Variants in CELF4 observed in about 807,000 individuals in gnomAD.
CELF4 encodes CUGBP Elav-like family member 4.
A neutral mutation model predicts 59.9 loss-of-function variants in CELF4; 18 were observed. The ratio of observed to expected loss-of-function variants is 0.30; its 90% confidence interval spans 0.21 to 0.45. The LOEUF (loss-of-function observed/expected upper bound fraction) is 0.45, where lower values mean the gene tolerates loss of function less well. Ranked by LOEUF, CELF4 falls within the 20% of genes least tolerant of loss-of-function variation. The pLI is 1.00. For missense variants in CELF4, 456 were observed against 689.0 expected (o/e 0.66, Z 3.79); for synonymous variants, 261 against 267.1 (o/e 0.98, Z 0.22).
chr18:37,314,729 T>TG (rs370779734), intron 3 of CELF4, among the ~76,000 whole-genome samples: 321 of 152,116 alleles, frequency 2.1e-3, no homozygotes, highest in African/African-American at 7.4e-3. Flanking sequence ...CTGCAGCTTG[T>TG]GGGGGGAACA....
At chr18:37,491,890 A>T (rs1306686666) in intron 1 of CELF4, among the ~76,000 whole-genome samples, 1 of 152,188 alleles carries the variant, frequency 6.6e-6, no homozygotes, top group Non-Finnish European at 1.5e-5. Context: ...AGATGGCAGT[A>T]ATTTACAAAG....
intron 1 of CELF4, among the ~76,000 whole-genome samples, chr18:37,540,486 C>T (rs576580451): frequency 1.7e-3 from 259 of 152,252 alleles, no homozygotes; most frequent in Non-Finnish European, 2.6e-3. Context: ...TTCAGAGAAA[C>T]GAGCCAGCAC....
intron 2 of CELF4, among the ~76,000 whole-genome samples, chr18:37,469,500 C>G (rs1304928783): frequency 6.6e-6 from 1 of 152,196 alleles, no homozygotes; most frequent in Non-Finnish European, 1.5e-5. Flanking sequence ...TAAGAGATTT[C>G]CTGTTGGCAG....
chr18:37,319,027 C>T (rs1055237373), intron 3 of CELF4, among the ~76,000 whole-genome samples: 1 of 152,216 alleles, frequency 6.6e-6, no homozygotes, highest in Non-Finnish European at 1.5e-5. Flanking sequence ...CTCTGGCTGC[C>T]CCCGCCTGGG....
chr18:37,354,558 T>G (rs946797919), intron 2 of CELF4, among the ~76,000 whole-genome samples: 1 of 152,196 alleles, frequency 6.6e-6, no homozygotes, highest in Non-Finnish European at 1.5e-5. Flanking sequence ...TAGGTAAAAA[T>G]GTATTCTCTC....
chr18:37,280,769 G>A (rs560388979), intron 3 of CELF4, among the ~76,000 whole-genome samples: 5 of 152,230 alleles, frequency 3.3e-5, no homozygotes, highest in Non-Finnish European at 4.4e-5. Flanking sequence ...GGACGCTGAG[G>A]AAGCTTGACT....
intron 2 of CELF4, among the ~76,000 whole-genome samples, chr18:37,446,124 C>T (rs1315383988): frequency 1.3e-5 from 2 of 152,188 alleles, no homozygotes; most frequent in African/African-American, 4.8e-5. Context: ...GGATGCTTTG[C>T]CTTAGCAGGA....
At chr18:37,273,547 T>C (rs1281409067) in intron 6 of CELF4, 1 of 1,001,444 alleles carries the variant, frequency 1.0e-6, no homozygotes, top group Non-Finnish European at 1.2e-6. Flanking sequence ...CACAGGTTTC[T>C]GTCCAGAATG....
Position 37,485,529 on chromosome 18 carries a change from G to C in CELF4, c.365C>G (p.Pro122Arg). ...GCCACGGCGGGCGCCACTTACCCCG[G>C]GCAGAGTCTTCTGCTCGTGCAGCGC... ...QSALHEQKTL[P>R]GMNRPIQVKP... Residue 122 changes from proline (P) to arginine (R), a missense_variant, in exon 2 of 13, where the codon CCC (proline) becomes CGC (arginine). Pro to Arg is a moderately radical substitution (Grantham distance 103). This residue lies in a region of CELF4 where 63 missense variants were observed against 110.6 expected (regional missense o/e 0.57). Coordinates refer to ENST00000420428, the MANE Select transcript of CELF4 (RefSeq NM_020180.4). The C allele has an allele frequency of 7.2e-7, 1 of 1,390,292 alleles. No homozygotes were observed. Among genetic ancestry groups the C allele is most frequent in the Non-Finnish European group, 9.4e-7 (1 of 1,059,978 alleles). The allele number at this position is 1,390,292 out of a possible 1,614,324, so 86.1% of individuals were successfully genotyped here.
At chr18:37,264,558 C>T in intron 10 of CELF4, 116 bp downstream of exon 10, 1 of 829,832 alleles carries the variant, frequency 1.2e-6, no homozygotes, top group Non-Finnish European at 2.0e-6. Context: ...CACCTCAACA[C>T]AGCACACAAA....
intron 2 of CELF4, among the ~76,000 whole-genome samples, chr18:37,470,877 T>A (rs865957614): frequency 0.062 from 5,813 of 93,074 alleles, 222 homozygotes; most frequent in Non-Finnish European, 0.072. Context: ...TGTGTGTGTG[T>A]GTGTGTGTGT....
Position 37,311,788 on chromosome 18 carries a change from C to CAA in CELF4, c.448+10013_448+10014dup, listed in dbSNP as rs36044643. Among the ~76,000 whole-genome samples the CAA allele has an allele frequency of 6.7e-3, 667 of 100,242 alleles. 24 individuals are homozygous for CAA. The highest frequency in any genetic ancestry group is 0.019 in the African/African-American group (483 of 25,390). The allele number at this position is 100,242 out of a possible 152,430, so 65.8% of individuals were successfully genotyped here. On this transcript the variant is annotated intron_variant, in intron 3 of 12. Transcript: ENST00000420428. Reference sequence around the variant, plus strand: ...TGGGCGACAGAACCAGACTCCGTCTCAAAAAAAAAAAAAAAAAATTAAGTC... The same window carrying CAA: ...TGGGCGACAGAACCAGACTCCGTCTCAAAAAAAAAAAAAAAAAAAATTAAGTC...
intron 3 of CELF4, among the ~76,000 whole-genome samples, chr18:37,289,417 C>A (rs1005202057): frequency 2.0e-5 from 3 of 152,168 alleles, no homozygotes; most frequent in African/African-American, 7.2e-5. Flanking sequence ...CATAGTCCTC[C>A]CACCCACAAG....
intron 1 of CELF4, among the ~76,000 whole-genome samples, chr18:37,488,340 G>A (rs938695507): frequency 6.6e-6 from 1 of 152,152 alleles, no homozygotes; most frequent in Admixed American, 6.5e-5. Context: ...GAGGTTAGGA[G>A]CCTGGTTTTG....
chr18:37,259,669 C>T (rs1056325965), intron 10 of CELF4, among the ~76,000 whole-genome samples: 1 of 152,116 alleles, frequency 6.6e-6, no homozygotes, highest in Non-Finnish European at 1.5e-5. Flanking sequence ...TCTGGGGGGA[C>T]CAGGGCATCC....
chr18:37,531,153 A>G lies in CELF4; in HGVS notation c.286+34203T>C, dbSNP rs1423438627. Among the ~76,000 whole-genome samples the G allele has an allele frequency of 3.9e-5, 6 of 152,244 alleles. No individual in the cohort carries two copies. In the East Asian group the frequency reaches 1.2e-3, roughly 30 times the overall value. On this transcript the variant is annotated intron_variant, in intron 1 of 12. Transcript: ENST00000420428. ...CAAGGTTCAGCTTGAATCGTTGCCC[A>G]GAGCAGCCCTCTGAGGCCAGGGCTG...
intron 2 of CELF4, among the ~76,000 whole-genome samples, chr18:37,418,456 C>T (rs2099547025): frequency 6.6e-6 from 1 of 152,210 alleles, no homozygotes; most frequent in Non-Finnish European, 1.5e-5. Context: ...TTGGGGCCTT[C>T]CTAGACTTGG....
intron 2 of CELF4, among the ~76,000 whole-genome samples, chr18:37,340,358 C>A (rs1185570609): frequency 2.6e-5 from 4 of 152,210 alleles, no homozygotes; most frequent in African/African-American, 9.7e-5. Flanking sequence ...GTGATAATGT[C>A]ACTGGGGTAC....
intron 2 of CELF4, among the ~76,000 whole-genome samples, chr18:37,327,500 C>T (rs2097362019): frequency 6.6e-6 from 1 of 152,248 alleles, no homozygotes. Flanking sequence ...TGGAGCCCAA[C>T]TGCATTCTGC....
Sources: gnomAD v4.1 joint callset for allele counts (sites outside exome capture counted in the v4.1 genomes callset) on GRCh38, gnomAD v4.1.1 for gene constraint, gnomAD v4.1.1 regional missense constraint, MANE v1.5 for transcripts, NCBI Gene and HGNC (gene_info 2026-07-23, HGNC 2026-07-21) for gene names.